The following SAMD4B variants were observed in gnomAD, a reference collection of about 807,000 sequenced individuals.
SAMD4B encodes protein Smaug homolog 2.
In SAMD4B, 5 loss-of-function variants were observed where a neutral mutation model predicts 74.5. The observed-to-expected ratio is 0.07, with a 90% confidence interval of 0.04 to 0.14. The LOEUF is 0.14. Ranked by LOEUF, SAMD4B falls within the 10% of genes least tolerant of loss-of-function variation. The pLI is 1.00. For synonymous variants in SAMD4B, 373 were observed against 374.9 expected, an observed-to-expected ratio of 1.00 and a Z score of 0.06; for missense variants, 608 against 921.8, an observed-to-expected ratio of 0.66 and a Z score of 4.41.
Position 39,369,884 on chromosome 19 carries a change from A to G in SAMD4B, c.426A>G (p.Ala142=), listed in dbSNP as rs140200767. 10,676 of 1,614,240 alleles carry G rather than the reference A, an allele frequency of 6.6e-3. 50 individuals carry two copies. The highest frequency in any genetic ancestry group is 0.016 in the Admixed American group (964 of 60,020). Reference sequence around the variant, plus strand: ...CCACCACACTGGAGGACCGCAACGCACTGGCCCTCTGGCTGAGCCACCTGG... The same window carrying G: ...CCACCACACTGGAGGACCGCAACGCGCTGGCCCTCTGGCTGAGCCACCTGG... The part of the protein sequence containing the change: ...HPATTLEDRN[A]LALWLSHLEE... Residue 142 remains alanine (A), a synonymous_variant, in exon 4 of 14, where the codon GCA becomes GCG. Coordinates refer to ENST00000610417, the MANE Select transcript of SAMD4B (RefSeq NM_001384574.2).
chr19:39,348,954 A>G (rs1441789379), intron 1 of SAMD4B, among the ~76,000 whole-genome samples: 1 of 152,210 alleles, frequency 6.6e-6, no homozygotes, highest in African/African-American at 2.4e-5. Flanking sequence ...AGTAGGCACT[A>G]TTATTATTTT....
intron 1 of SAMD4B, among the ~76,000 whole-genome samples, chr19:39,343,477 A>G (rs1191562152): frequency 1.3e-5 from 1 of 77,242 alleles, no homozygotes; most frequent in Non-Finnish European, 2.6e-5. Flanking sequence ...CCCCCTCCCC[A>G]CCGTATTGCA....
chr19:39,350,554 C>T (rs2075976621), intron 1 of SAMD4B: 1 of 152,310 alleles, frequency 6.6e-6, no homozygotes, highest in Non-Finnish European at 1.5e-5. Flanking sequence ...GTGGCGCAAT[C>T]TCAGCTCACT....
downstream of SAMD4B, chr19:39,389,033 A>T: frequency 1.9e-6 from 3 of 1,613,876 alleles, no homozygotes; most frequent in Non-Finnish European, 2.5e-6. This position sits in a 1 kb window ranked among gnomAD's most constrained non-coding sequence, Gnocchi z 5.3. Context: ...AACAAAAACA[A>T]GGTGAGGAGG....
chr19:39,388,296 G>A, downstream of SAMD4B: 2 of 1,610,602 alleles, frequency 1.2e-6, no homozygotes, highest in South Asian at 2.2e-5. Flanking sequence ...AGGGTCTTAA[G>A]AAGCACAGAT....
At chr19:39,357,174 A>C in intron 3 of SAMD4B, 85 bp downstream of exon 3, 6 of 1,236,824 alleles carry the variant, frequency 4.9e-6, no homozygotes, top group Non-Finnish European at 6.7e-6. Flanking sequence ...CAACCCAACA[A>C]TGGGACTAAA....
chr19:39,388,932 C>T (rs1442625694), downstream of SAMD4B: 1 of 1,613,914 alleles, frequency 6.2e-7, no homozygotes, highest in Non-Finnish European at 8.5e-7. Flanking sequence ...TTCTACCTCC[C>T]ACCTTGGGCC....
In SAMD4B at chr19:39,375,421, C is replaced by T. The variant is rs550736117; in HGVS notation, c.668-229C>T. On this transcript the variant is annotated intron_variant, in intron 4 of 13. Coordinates refer to ENST00000610417, the MANE Select transcript of SAMD4B (RefSeq NM_001384574.2). This position sits in a 1 kb window ranked among gnomAD's most constrained non-coding sequence, Gnocchi z 4.1. ...TGCCAGGGGTGCTGGTGGCTTGAGC[C>T]AGCGGAACTGGAGAAATTCAGGAAA... 6.6e-6 allele frequency among the ~76,000 whole-genome samples: 1 copy of T among 152,246 alleles called. No individual in the cohort carries two copies. The highest frequency in any genetic ancestry group is 2.4e-5 in the African/African-American group (1 of 41,530).
downstream of SAMD4B, chr19:39,386,649 C>T (rs756195840): frequency 1.3e-6 from 2 of 1,598,894 alleles, no homozygotes; most frequent in South Asian, 2.2e-5. This position sits in a 1 kb window ranked among gnomAD's most constrained non-coding sequence, Gnocchi z 6.1. Context: ...CCTACAACCA[C>T]CACCCTCCCT....
downstream of SAMD4B, chr19:39,389,558 C>T (rs756164123): frequency 2.2e-5 from 35 of 1,613,992 alleles, 1 homozygote; most frequent in South Asian, 2.1e-4. This position sits in a 1 kb window ranked among gnomAD's most constrained non-coding sequence, Gnocchi z 5.3. Flanking sequence ...TAGAGGAGAG[C>T]GGGGGGCAGG....
downstream of SAMD4B, chr19:39,387,230 G>A (rs964038331): frequency 4.8e-6 from 2 of 416,674 alleles, no homozygotes; most frequent in African/African-American, 2.0e-5. Context: ...ACTGAATACT[G>A]CAGGCAATTG....
intron 9 of SAMD4B, 69 bp from the exon 10 acceptor site, chr19:39,379,892 TGAATG>T (rs1465961720): frequency 7.9e-7 from 1 of 1,267,946 alleles, no homozygotes; most frequent in Non-Finnish European, 1.1e-6. Context: ...TTTGAACAAA[TGAATG>T]GAAGACTGGA....
At chr19:39,373,195 T>A (rs967689020) in intron 4 of SAMD4B, among the ~76,000 whole-genome samples, 1 of 152,194 alleles carries the variant, frequency 6.6e-6, no homozygotes, top group East Asian at 1.9e-4. Context: ...GCAAAGGGCT[T>A]CAGCTCCCTG....
In SAMD4B at chr19:39,369,986, GGGCCCTGCAGAGCTA is replaced by G. The variant is rs767711676; in HGVS notation, c.536_550del (p.Ala179_Pro183del). The stretch of plus-strand genomic sequence containing the variant: ...CACGTCAAGGCTCAGATGAGTGGGG[GGGCCCTGCAGAGCTA>G]GGCCCTGGGGAGGCAGGGCCAGGCT... On this transcript the variant is annotated inframe_deletion, in exon 4 of 14. Coordinates refer to ENST00000610417, the MANE Select transcript of SAMD4B (RefSeq NM_001384574.2). The G allele has an allele frequency of 6.2e-6, 10 of 1,613,272 alleles. No individual in the cohort carries two copies. Among genetic ancestry groups the G allele is most frequent in the African/African-American group, 5.3e-5 (4 of 74,904 alleles).
chr19:39,389,066 C>G, downstream of SAMD4B: 1 of 1,612,248 alleles, frequency 6.2e-7, no homozygotes, highest in Non-Finnish European at 8.5e-7. This position sits in a 1 kb window ranked among gnomAD's most constrained non-coding sequence, Gnocchi z 5.3. Flanking sequence ...GCACCCTTGC[C>G]TCTCCCCATC....
downstream of SAMD4B, chr19:39,386,057 C>T (rs768378595): frequency 1.9e-5 from 30 of 1,613,956 alleles, no homozygotes; most frequent in South Asian, 2.2e-5. The surrounding 1 kb of genome is among the most constrained non-coding windows in gnomAD (Gnocchi z 6.1). Flanking sequence ...CCTCCTGGGC[C>T]GAGTGCTCGC....
At chr19:39,372,287 A>G (rs528238698) in intron 4 of SAMD4B, among the ~76,000 whole-genome samples, 2 of 152,302 alleles carry the variant, frequency 1.3e-5, no homozygotes, top group South Asian at 2.1e-4. Context: ...CCGTGTGCCT[A>G]TCCCTCTGCT....
downstream of SAMD4B, chr19:39,389,889 G>C: frequency 7.5e-7 from 1 of 1,339,398 alleles, no homozygotes; most frequent in South Asian, 1.2e-5. This position sits in a 1 kb window ranked among gnomAD's most constrained non-coding sequence, Gnocchi z 5.3. Context: ...GAGTCTGAAA[G>C]CTGGCTCCCC....
chr19:39,379,166 G>C (rs1418911305), intron 9 of SAMD4B, among the ~76,000 whole-genome samples: 1 of 151,638 alleles, frequency 6.6e-6, no homozygotes, highest in African/African-American at 2.4e-5. Context: ...GAGATTACAG[G>C]CGTGACGATT....
Sources: allele counts gnomAD v4.1 joint callset (sites outside exome capture counted in the v4.1 genomes callset), GRCh38; gene constraint gnomAD v4.1.1; non-coding constraint Gnocchi (gnomAD v3.1); transcripts MANE v1.5; gene names NCBI Gene and HGNC (gene_info 2026-07-23, HGNC 2026-07-21).